LRRC37A2: variants seen among roughly 807,000 people sequenced by gnomAD.
LRRC37A2 encodes the protein leucine-rich repeat-containing protein 37A2.
LRRC37A2 carries 9 observed loss-of-function variants against 68.8 expected under a neutral mutation model. That is an observed-to-expected ratio of 0.13 (90% CI 0.08 to 0.23). LRRC37A2 has a LOEUF of 0.23. Among genes scored for constraint, LRRC37A2 ranks in the 10% least tolerant of loss-of-function variants. The pLI, the probability that LRRC37A2 is intolerant of heterozygous loss-of-function variation, is 1.00. For synonymous variants in LRRC37A2, 63 were observed against 367.6 expected, an observed-to-expected ratio of 0.17 and a Z score of 9.48; for missense variants, 168 against 950.4, an observed-to-expected ratio of 0.18 and a Z score of 10.82.
At chr17:46,548,873 T>C in exon 10 of LRRC37A2, 2 of 1,612,474 alleles carry the variant, frequency 1.2e-6, no homozygotes, top group Non-Finnish European at 8.5e-7. Context: ...AAGGCAGCAG[T>C]CTCTGTGCTG....
At chr17:46,830,742 G>T in the LRRC37A2 span, 326 of 398,570 alleles carry the variant, frequency 8.2e-4, no homozygotes, top group African/African-American at 6.3e-3. Flanking sequence ...AGAGGGCCAC[G>T]GGTGTTCTAG....
At chr17:46,823,152 T>A in the LRRC37A2 span, among the ~76,000 whole-genome samples, 6 of 100,726 alleles carry the variant, frequency 6.0e-5, no homozygotes, top group Admixed American at 1.0e-4. Context: ...TTATATATAT[T>A]TATATATTAT....
At chr17:47,027,055 C>A in the LRRC37A2 span, among the ~76,000 whole-genome samples, 4 of 152,224 alleles carry the variant, frequency 2.6e-5, no homozygotes, top group South Asian at 4.2e-4. Context: ...GGACTACAGG[C>A]ACGTGCCACC....
At chr17:46,949,492 G>A in the LRRC37A2 span, 1 of 152,292 alleles carries the variant, frequency 6.6e-6, no homozygotes, top group Non-Finnish European at 1.5e-5. Context: ...CTGCCTCTCA[G>A]TGGGAAGAAT....
chr17:46,919,487 C>G, the LRRC37A2 span, among the ~76,000 whole-genome samples: 1 of 152,190 alleles, frequency 6.6e-6, no homozygotes, highest in African/African-American at 2.4e-5. Flanking sequence ...ATTTCCTTAT[C>G]TGCCTTATCC....
the LRRC37A2 span, among the ~76,000 whole-genome samples, chr17:46,955,937 A>T: frequency 6.6e-6 from 1 of 152,090 alleles, no homozygotes; most frequent in South Asian, 2.1e-4. Flanking sequence ...GAGGGCGAAG[A>T]CTCTAATTCC....
At chr17:46,905,184 T>C in the LRRC37A2 span, among the ~76,000 whole-genome samples, 4 of 152,028 alleles carry the variant, frequency 2.6e-5, no homozygotes, top group South Asian at 8.3e-4. Context: ...CGATTCTCCC[T>C]GCCTCAGCCT....
chr17:46,833,270 G>GTGA, the LRRC37A2 span: 5 of 465,244 alleles, frequency 1.1e-5, no homozygotes, highest in Non-Finnish European at 1.7e-5. Context: ...AGCTCCCTGG[G>GTGA]TGATGGCTCC....
the LRRC37A2 span, among the ~76,000 whole-genome samples, chr17:46,950,317 C>T: frequency 1.4e-3 from 214 of 152,080 alleles, 1 homozygote; most frequent in African/African-American, 4.7e-3. Flanking sequence ...GAGGAGGAGG[C>T]GGCTGGCTGA....
chr17:47,044,836 A>G, the LRRC37A2 span, among the ~76,000 whole-genome samples: 3 of 139,016 alleles, frequency 2.2e-5, no homozygotes, highest in East Asian at 6.8e-4. Flanking sequence ...ACATGGTGAA[A>G]CCCCATTTCT....
At chr17:46,977,134 C>G in the LRRC37A2 span, among the ~76,000 whole-genome samples, 1 of 152,142 alleles carries the variant, frequency 6.6e-6, no homozygotes, top group South Asian at 2.1e-4. Context: ...TCTGTGCCTT[C>G]GAGAAACTCC....
the LRRC37A2 span, among the ~76,000 whole-genome samples, chr17:47,003,243 CAAAAAAA>C: frequency 1.5e-4 from 11 of 73,244 alleles, no homozygotes; most frequent in Non-Finnish European, 2.9e-4. Context: ...AATAGAGACT[CAAAAAAA>C]AAAAAAAAAA....
the LRRC37A2 span, chr17:46,984,084 G>A: frequency 1.3e-5 from 2 of 152,284 alleles, no homozygotes; most frequent in African/African-American, 4.8e-5. Context: ...AAGGGAGAGG[G>A]ACAGAAGAGT....
the LRRC37A2 span, among the ~76,000 whole-genome samples, chr17:46,685,594 CAG>C: frequency 2.6e-5 from 4 of 151,124 alleles, no homozygotes; most frequent in East Asian, 3.9e-4. Context: ...ATGTTAAAAA[CAG>C]AGCTAGAAGC....
At chr17:47,037,861 A>C in the LRRC37A2 span, among the ~76,000 whole-genome samples, 6 of 152,316 alleles carry the variant, frequency 3.9e-5, no homozygotes, top group East Asian at 9.6e-4. Flanking sequence ...TCAGTAGTTC[A>C]TATCTTTCTG....
chr17:46,886,956 A>G, the LRRC37A2 span, among the ~76,000 whole-genome samples: 1 of 152,186 alleles, frequency 6.6e-6, no homozygotes, highest in African/African-American at 2.4e-5. Context: ...AGCTGGGATT[A>G]CAGGCGTGCA....
the LRRC37A2 span, chr17:46,722,188 T>G: frequency 1.9e-6 from 3 of 1,600,638 alleles, no homozygotes; most frequent in South Asian, 3.3e-5. Context: ...TGGGAGAACT[T>G]GCAGCGCCTG....
At chr17:46,490,908 T>C in the LRRC37A2 span, among the ~76,000 whole-genome samples, 1 of 149,602 alleles carries the variant, frequency 6.7e-6, no homozygotes, top group African/African-American at 2.5e-5. Context: ...AAAAAGTACA[T>C]ACTTTTTCTT....
chr17:46,773,619 T>TGGGGGGGGGGGGGGGGGGGGGGGG, the LRRC37A2 span: 6 of 549,848 alleles, frequency 1.1e-5, no homozygotes, highest in African/African-American at 2.1e-5. Flanking sequence ...ACAGTCCTGA[T>TGGGGGGGGGGGGGGGGGGGGGGGG]CCCTCCCCCC....
Sources: gnomAD v4.1 joint callset for allele counts (sites outside exome capture counted in the v4.1 genomes callset) on GRCh38, gnomAD v4.1.1 for gene constraint, MANE v1.5 for transcripts, NCBI Gene and HGNC (gene_info 2026-07-23, HGNC 2026-07-21) for gene names.